KIF14: variants seen among roughly 807,000 people sequenced by gnomAD.
The protein encoded by KIF14 is kinesin-like protein KIF14.
Under a neutral mutation model 176.2 loss-of-function variants are expected in KIF14, and 98 were observed. The ratio of observed to expected loss-of-function variants is 0.56; its 90% CI spans 0.47 to 0.66. The LOEUF is 0.66. Among genes scored for constraint, KIF14 ranks in the 30% least tolerant of loss-of-function variants. KIF14 has a pLI of 0.00. For missense variants in KIF14, 1,751 were observed against 1,920.4 expected (o/e 0.91, Z 1.65); for synonymous variants, 566 against 632.2 (o/e 0.90, Z 1.57).
chr1:200,582,742 C>CG (rs1167145176), intron 19 of KIF14, among the ~76,000 whole-genome samples: 1 of 151,222 alleles, frequency 6.6e-6, no homozygotes, highest in Non-Finnish European at 1.5e-5. Context: ...CCCAGCTACT[C>CG]GGGAGGCTGA....
chr1:200,570,208 A>C (rs1395579511), intron 22 of KIF14, among the ~76,000 whole-genome samples: 2 of 152,232 alleles, frequency 1.3e-5, no homozygotes, highest in Admixed American at 1.3e-4. Flanking sequence ...TAGTTAATTA[A>C]ATAAGTATTG....
At position 200,615,621 on chromosome 1, in the gene KIF14, C is replaced by A. The variant is rs1296520256; in HGVS notation, c.1113-12G>T. On this transcript the variant is annotated splice_polypyrimidine_tract_variant and intron_variant, in intron 2 of 29. Coordinates refer to ENST00000367350, the MANE Select transcript of KIF14 (RefSeq NM_014875.3). ...TTTCAATCTTCTCTCTTGAAAGAAG[C>A]ACAAAGAAAAAAATCAAGTAACTAA... The A allele has an allele frequency of 8.2e-6, 13 of 1,588,776 alleles. No individual in the cohort carries two copies. In the Admixed American group the frequency reaches 1.3e-4, roughly 16 times the overall value.
At chr1:200,566,956 C>T (rs1657489203) in intron 23 of KIF14, among the ~76,000 whole-genome samples, 1 of 151,454 alleles carries the variant, frequency 6.6e-6, no homozygotes, top group Admixed American at 6.6e-5. Context: ...GGGTGGATCA[C>T]CTGAGGCCAG....
At chr1:200,567,501 T>A (rs1485014699) in intron 23 of KIF14, among the ~76,000 whole-genome samples, 1 of 138,640 alleles carries the variant, frequency 7.2e-6, no homozygotes, top group African/African-American at 2.7e-5. Flanking sequence ...GCCACTGCAC[T>A]CCAGCCTGGG....
intron 21 of KIF14, 124 bp from the exon 22 acceptor site, chr1:200,575,815 T>C: frequency 2.2e-6 from 1 of 452,886 alleles, no homozygotes. Flanking sequence ...ATATATTATC[T>C]GATAAGTCTA....
chr1:200,589,134 C>A, intron 18 of KIF14, 83 bp downstream of exon 18: 1 of 1,154,126 alleles, frequency 8.7e-7, no homozygotes, highest in East Asian at 2.4e-5. Flanking sequence ...TCTCTTCTGT[C>A]AACATACCAT....
chr1:200,613,733 TC>T (rs1660270340), intron 4 of KIF14, among the ~76,000 whole-genome samples: 2 of 151,298 alleles, frequency 1.3e-5, no homozygotes, highest in South Asian at 4.2e-4. Context: ...CTGCCAAGAA[TC>T]CCCGGTGATT....
chr1:200,610,189 T>C (rs981380774), intron 4 of KIF14, among the ~76,000 whole-genome samples: 1 of 152,150 alleles, frequency 6.6e-6, no homozygotes, highest in East Asian at 1.9e-4. Context: ...TTTGATGTTA[T>C]GTGAATTTGA....
At position 200,613,709 on chromosome 1, in the gene KIF14, G is replaced by A. The variant is rs867536075; in HGVS notation, c.1455+609C>T. Among the ~76,000 whole-genome samples the A allele has an allele frequency of 1.6e-4, 25 of 152,068 alleles. 1 individual carries two copies. In the South Asian group the frequency reaches 5.2e-3, roughly 32 times the overall value. On this transcript the variant is annotated intron_variant, in intron 4 of 29. Transcript: ENST00000367350. ...CAAGTGTGTACATACACATACACAT[G>A]CACATATATGTCCCTGCCAAGAATC...
chr1:200,601,918 A>C lies in KIF14; in HGVS notation c.2130T>G (p.Asp710Glu). 6.2e-7 allele frequency: 1 copy of C among 1,609,358 alleles called. No homozygotes were observed. The highest frequency in any genetic ancestry group is 8.5e-7 in the Non-Finnish European group (1 of 1,178,458). Reference sequence around the variant, plus strand: ...CACCTCTAATTAACTTAGCGTTCATATCTTCATTTACTTTAGCAATGTTGA... The same window carrying C: ...CACCTCTAATTAACTTAGCGTTCATCTCTTCATTTACTTTAGCAATGTTGA... ...LIVNIAKVNEDMNAKLIRELK... is the reference protein window; with the variant it reads ...LIVNIAKVNEEMNAKLIRELK... The change falls in exon 11 of 30, where the codon GAT (aspartate) becomes GAG (glutamate). Residue 710 changes from aspartate (D) to glutamate (E), a missense_variant. By Grantham distance (45) the Asp-to-Glu change is conservative (BLOSUM62 2). Coordinates refer to ENST00000367350, the MANE Select transcript of KIF14 (RefSeq NM_014875.3).
chr1:200,601,857 T>C (rs777487507), intron 11 of KIF14, 39 bp downstream of exon 11: 26 of 1,527,796 alleles, frequency 1.7e-5, no homozygotes, highest in Non-Finnish European at 2.1e-5. Context: ...GGGACTAAAC[T>C]GTGGCAAAAC....
At position 200,592,328 on chromosome 1, in the gene KIF14, T is replaced by C. The variant is rs16846948; in HGVS notation, c.2653-88A>G. ...ATTTATTTTGCCCAACAATTCAATA[T>C]AGTCTAGTATTAATGATAAACATAA... is the stretch of plus-strand genomic sequence containing the variant. On this transcript the variant is annotated intron_variant, in intron 15 of 29. Coordinates refer to ENST00000367350, the MANE Select transcript of KIF14 (RefSeq NM_014875.3). 187,146 of 986,014 alleles carry C rather than the reference T, an allele frequency of 0.19. 21,069 individuals are homozygous for C. Among genetic ancestry groups the C allele is most frequent in the African/African-American group, 0.45 (27,317 of 60,924 alleles). 61.1% of individuals were successfully genotyped at this position (986,014 alleles called of 1,614,324 possible). A position where few individuals can be genotyped will look rare whatever the true frequency, so the allele number is the denominator to read the frequency against.
chr1:200,573,986 G>A (rs1392629661), intron 22 of KIF14, among the ~76,000 whole-genome samples: 1 of 152,116 alleles, frequency 6.6e-6, no homozygotes, highest in Non-Finnish European at 1.5e-5. Flanking sequence ...ACCCAAACTT[G>A]GATTTGAGTA....
At chr1:200,600,241 G>A in intron 12 of KIF14, 115 bp downstream of exon 12, 3 of 1,227,628 alleles carry the variant, frequency 2.4e-6, no homozygotes, top group Non-Finnish European at 3.6e-6. Context: ...CTGGGAGTGG[G>A]CTGCTCTATT....
At chr1:200,610,841 T>C (rs1571564288) in intron 4 of KIF14, among the ~76,000 whole-genome samples, 2 of 152,032 alleles carry the variant, frequency 1.3e-5, no homozygotes, top group South Asian at 4.2e-4. Flanking sequence ...AAGGAGTAAA[T>C]AGAATGTGAG....
chr1:200,592,795 A>G (rs973061474), intron 15 of KIF14, among the ~76,000 whole-genome samples: 2 of 152,252 alleles, frequency 1.3e-5, no homozygotes, highest in African/African-American at 4.8e-5. Flanking sequence ...TGGATGGTAT[A>G]GCCTACTACA....
Position 200,593,630 on chromosome 1 carries a change from C to T in KIF14, c.2652+37G>A, listed in dbSNP as rs188367012. 443 of 1,271,076 alleles carry T rather than the reference C, an allele frequency of 3.5e-4. 1 individual carries two copies. In the Middle Eastern group the frequency reaches 0.012, roughly 33 times the overall value. 78.7% of individuals were successfully genotyped at this position (1,271,076 alleles called of 1,614,324 possible). A position where few individuals can be genotyped will look rare whatever the true frequency, so the allele number is the denominator to read the frequency against. ...AGAAATTAAATGACTTATCCAAAGT[C>T]GAACAGTTTCTTATATTATAGCACC... On this transcript the variant is annotated intron_variant, in intron 15 of 29. Coordinates refer to ENST00000367350, the MANE Select transcript of KIF14 (RefSeq NM_014875.3).
intron 5 of KIF14, 53 bp downstream of exon 5, chr1:200,608,777 T>C (rs143331226): frequency 1.0e-5 from 11 of 1,089,546 alleles, no homozygotes; most frequent in African/African-American, 7.9e-5. Context: ...AATAATTAGA[T>C]ACATTTATAA....
Position 200,553,258 on chromosome 1 carries a change from G to T in KIF14, c.*130C>A, listed in dbSNP as rs554757932. On this transcript the variant is annotated 3_prime_UTR_variant, in exon 30 of 30. Coordinates refer to ENST00000367350, the MANE Select transcript of KIF14 (RefSeq NM_014875.3). ...GCCTTTGATAAATAGATATTTTAAAGATAAAAAGACATGGACTTTTTTGAA... is the reference window on the plus strand; with the variant it reads ...GCCTTTGATAAATAGATATTTTAAATATAAAAAGACATGGACTTTTTTGAA... 36 of 987,598 alleles carry T rather than the reference G, an allele frequency of 3.6e-5. 1 individual carries two copies. The South Asian group carries it at 6.9e-4, about 19-fold the overall frequency. The allele number at this position is 987,598 out of a possible 1,614,324, so 61.2% of individuals were successfully genotyped here.
Sources: allele counts gnomAD v4.1 joint callset (sites outside exome capture counted in the v4.1 genomes callset), GRCh38; gene constraint gnomAD v4.1.1; transcripts MANE v1.5; gene names NCBI Gene and HGNC (gene_info 2026-07-23, HGNC 2026-07-21).